Variants in SNED1 observed in about 807,000 individuals in gnomAD.
SNED1 encodes the protein sushi, nidogen and EGF like domains 1.
In SNED1, 81 loss-of-function variants were observed where a neutral mutation model predicts 166.7. The observed-to-expected ratio is 0.49, with a 90% CI of 0.41 to 0.58. The LOEUF is 0.58. Ranked by LOEUF, SNED1 falls within the 20% of genes least tolerant of loss-of-function variation. The pLI is 0.00. For missense variants in SNED1, 1,604 were observed against 2,000.2 expected (o/e 0.80, Z 3.78); for synonymous variants, 762 against 822.0 (o/e 0.93, Z 1.25).
chr2:241,081,840 G>T, intron 28 of SNED1, 47 bp downstream of exon 28: 2 of 1,409,250 alleles, frequency 1.4e-6, no homozygotes, highest in Non-Finnish European at 2.0e-6. Flanking sequence ...CACAGCCTGT[G>T]CCTCAGCCTA....
intron 1 of SNED1, among the ~76,000 whole-genome samples, chr2:241,029,480 T>C (rs1303178054): frequency 6.6e-6 from 1 of 152,160 alleles, no homozygotes; most frequent in African/African-American, 2.4e-5. Flanking sequence ...CCTAATCACC[T>C]TCCAAAGGCC....
intron 16 of SNED1, among the ~76,000 whole-genome samples, chr2:241,061,202 G>GA (rs1028892131): frequency 2.7e-4 from 40 of 148,672 alleles, no homozygotes; most frequent in Non-Finnish European, 3.3e-4. Context: ...TAGGAAAATA[G>GA]AAAAAAAAAC....
intron 16 of SNED1, among the ~76,000 whole-genome samples, chr2:241,060,599 A>G (rs1161546556): frequency 6.6e-6 from 1 of 152,150 alleles, no homozygotes; most frequent in African/African-American, 2.4e-5. Flanking sequence ...TATTTTTCAT[A>G]CACTGGAATT....
intron 31 of SNED1, chr2:241,089,288 T>C (rs899802620): frequency 1.3e-6 from 2 of 1,548,732 alleles, no homozygotes; most frequent in Admixed American, 4.0e-5. Flanking sequence ...TCACAGTTCA[T>C]CTTCCTGGTG....
chr2:241,017,382 C>T (rs890384711), intron 1 of SNED1, among the ~76,000 whole-genome samples: 1 of 152,360 alleles, frequency 6.6e-6, no homozygotes, highest in East Asian at 1.9e-4. Context: ...ACGCCGTACA[C>T]AGTGGGTTTA....
chr2:241,071,576 C>T lies in SNED1; in HGVS notation c.3590C>T (p.Ser1197Phe), dbSNP rs749115309. ...SEPAHLYIIT[S>F]PRDGADRRWH... ...CCCCTTCCTCCTGCCTGCTCTGCAGCCCCCAGGGATGGCGCTGACAGACGC... is the reference window on the plus strand; with the variant it reads ...CCCCTTCCTCCTGCCTGCTCTGCAGTCCCCAGGGATGGCGCTGACAGACGC... The change falls in exon 25 of 32, where the codon TCC becomes TTC. Residue 1197 changes from serine (S) to phenylalanine (F), a missense_variant and splice_region_variant. Physicochemically the swap from Ser to Phe is radical, Grantham distance 155. Coordinates refer to ENST00000310397, the MANE Select transcript of SNED1 (RefSeq NM_001080437.3). 6 of 1,583,320 alleles carry T rather than the reference C, an allele frequency of 3.8e-6. No individual in the cohort carries two copies. The highest frequency in any genetic ancestry group is 4.3e-6 in the Non-Finnish European group (5 of 1,172,334).
chr2:241,040,266 C>G, intron 7 of SNED1, 34 bp from the exon 8 acceptor site: 2 of 1,576,020 alleles, frequency 1.3e-6, no homozygotes, highest in Non-Finnish European at 1.7e-6. Context: ...TGTGGCCTGG[C>G]TCAAGCCAAG....
rs937416583 is a variant in SNED1, at chr2:241,018,461, C to G, written c.214-11823C>G. 6.6e-6 allele frequency among the ~76,000 whole-genome samples: 1 copy of G among 152,176 alleles called. No homozygotes were observed. Among genetic ancestry groups the G allele is most frequent in the African/African-American group, 2.4e-5 (1 of 41,440 alleles). On this transcript the variant is annotated intron_variant, in intron 1 of 31. Transcript: ENST00000310397. This position sits in a 1 kb window ranked among gnomAD's most constrained non-coding sequence, Gnocchi z 5.4. ...CTGGATTTAAGGGGCAAAGAACATT[C>G]GTTGTTCACTCAGCCCCCTGCACGT...
rs1456539186 is a variant in SNED1, at chr2:241,070,189, T to C, written c.3577T>C (p.Tyr1193His). Residue 1193 changes from tyrosine (Y) to histidine (H), a missense_variant, in exon 24 of 32, where the codon TAC becomes CAC. By Grantham distance (83) the Tyr-to-His change is moderately conservative. Transcript: ENST00000310397. The part of the protein sequence containing the change: ...GPQHSEPAHL[Y>H]IITSPRDGAD... Reference sequence around the variant, plus strand: ...GCAGCACAGCGAGCCCGCCCACCTCTACATCATCACCTGTGAGTGCCGTGG... The same window carrying C: ...GCAGCACAGCGAGCCCGCCCACCTCCACATCATCACCTGTGAGTGCCGTGG... The C allele has an allele frequency of 6.2e-7, 1 of 1,606,058 alleles. No homozygotes were observed. Among genetic ancestry groups the C allele is most frequent in the Non-Finnish European group, 8.5e-7 (1 of 1,178,310 alleles).
At chr2:241,032,631 TAATAAAA>T (rs1169413476) in intron 2 of SNED1, among the ~76,000 whole-genome samples, 2 of 152,120 alleles carry the variant, frequency 1.3e-5, no homozygotes, top group African/African-American at 4.8e-5. Context: ...ACTTAAAGTA[TAATAAAA>T]AATAAAAAAT....
At chr2:241,041,406 C>G (rs950017627) in intron 8 of SNED1, 2 of 153,446 alleles carry the variant, frequency 1.3e-5, no homozygotes, top group African/African-American at 4.8e-5. Flanking sequence ...ACAGACTGGC[C>G]GGGTGTGGTG....
intron 31 of SNED1, chr2:241,088,674 A>C: frequency 2.1e-6 from 1 of 465,944 alleles, no homozygotes; most frequent in South Asian, 3.7e-5. Flanking sequence ...CTCTCTCTCA[A>C]GGGAAATGTG....
chr2:241,052,994 G>A (rs866143102), intron 15 of SNED1, among the ~76,000 whole-genome samples, 159 bp from the exon 16 acceptor site: 5 of 152,136 alleles, frequency 3.3e-5, no homozygotes, highest in African/African-American at 9.7e-5. Context: ...AACGTATCAC[G>A]GCAACCAGGC....
At chr2:241,059,504 A>G (rs1015095248) in intron 16 of SNED1, among the ~76,000 whole-genome samples, 2 of 152,244 alleles carry the variant, frequency 1.3e-5, no homozygotes, top group African/African-American at 2.4e-5. Flanking sequence ...ACAGACTGGT[A>G]TCTCTCAAGA....
Position 241,073,544 on chromosome 2 carries a change from G to A in SNED1, c.3916+180G>A. ...GATGGGGTGAAGCTACACCACCCAAGCAGTGGGACCCCACAGACGGGAACA... is the reference window on the plus strand; with the variant it reads ...GATGGGGTGAAGCTACACCACCCAAACAGTGGGACCCCACAGACGGGAACA... On this transcript the variant is annotated intron_variant, in intron 27 of 31. Coordinates refer to ENST00000310397, the MANE Select transcript of SNED1 (RefSeq NM_001080437.3). The surrounding 1 kb of genome is among the most constrained non-coding windows in gnomAD (Gnocchi z 6.6). 1 of 646,776 alleles carries A rather than the reference G, an allele frequency of 1.5e-6. No homozygotes were observed. Among genetic ancestry groups the A allele is most frequent in the Non-Finnish European group, 2.8e-6 (1 of 352,264 alleles). 40.1% of individuals were successfully genotyped at this position (646,776 alleles called of 1,614,324 possible).
intron 16 of SNED1, among the ~76,000 whole-genome samples, chr2:241,059,559 A>G (rs563089453): frequency 6.6e-6 from 1 of 152,372 alleles, no homozygotes; most frequent in African/African-American, 2.4e-5. Context: ...AGTCAAGCTC[A>G]GTACTATATA....
chr2:241,004,963 C>T (rs769416064), intron 1 of SNED1, among the ~76,000 whole-genome samples: 1 of 152,082 alleles, frequency 6.6e-6, no homozygotes, highest in Non-Finnish European at 1.5e-5. Context: ...TCTCGTGATC[C>T]ACCCACCTCA....
At chr2:241,030,228 C>T in intron 1 of SNED1, 56 bp from the exon 2 acceptor site, 2 of 1,473,466 alleles carry the variant, frequency 1.4e-6, no homozygotes, top group Non-Finnish European at 1.8e-6. Flanking sequence ...GCTGCTGGGC[C>T]CACCCGCCTG....
intron 1 of SNED1, among the ~76,000 whole-genome samples, chr2:241,001,833 C>A (rs992496404): frequency 1.3e-5 from 2 of 152,126 alleles, no homozygotes; most frequent in Admixed American, 6.5e-5. Context: ...CCGACAGAGC[C>A]CTGAGCAGAG....
Sources: allele counts gnomAD v4.1 joint callset (sites outside exome capture counted in the v4.1 genomes callset), GRCh38; gene constraint gnomAD v4.1.1; non-coding constraint Gnocchi (gnomAD v3.1); transcripts MANE v1.5; gene names NCBI Gene and HGNC (gene_info 2026-07-23, HGNC 2026-07-21).